Variants in COL25A1 observed in about 807,000 individuals in gnomAD.
The protein encoded by COL25A1 is collagen type XXV alpha 1 chain.
COL25A1 carries 103 observed loss-of-function variants against 128.4 expected under a neutral mutation model. The observed-to-expected ratio is 0.80, with a 90% CI of 0.68 to 0.94. The LOEUF (loss-of-function observed/expected upper bound fraction) is 0.94, where lower values mean the gene tolerates loss of function less well. COL25A1 is among the 40% of genes least tolerant of loss of function. The probability of loss-of-function intolerance (pLI) is 0.00; values close to 1 mark genes in which losing one functional copy is unlikely to be tolerated. For missense variants in COL25A1, 745 were observed against 840.0 expected, an observed-to-expected ratio of 0.89 and a Z score of 1.40; for synonymous variants, 279 against 277.2, an observed-to-expected ratio of 1.01 and a Z score of -0.06.
At chr4:108,866,953 A>T (rs1023638191) in intron 20 of COL25A1, among the ~76,000 whole-genome samples, 1 of 152,180 alleles carries the variant, frequency 6.6e-6, no homozygotes, top group Admixed American at 6.5e-5. Context: ...CCTTCTGTGG[A>T]AATACAAAAT....
intron 6 of COL25A1, among the ~76,000 whole-genome samples, chr4:109,001,090 T>G (rs1403905995): frequency 6.6e-6 from 1 of 152,172 alleles, no homozygotes; most frequent in African/African-American, 2.4e-5. Context: ...AGGATTTGAA[T>G]GTCAAGCAAG....
intron 8 of COL25A1, among the ~76,000 whole-genome samples, chr4:108,951,735 A>G (rs1389312848): frequency 1.3e-5 from 2 of 152,186 alleles, no homozygotes; most frequent in African/African-American, 4.8e-5. Flanking sequence ...CAGGAAACTT[A>G]TGTGATGGCA....
At chr4:109,087,242 G>GAA (rs988775737) in intron 3 of COL25A1, among the ~76,000 whole-genome samples, 77 of 143,784 alleles carry the variant, frequency 5.4e-4, no homozygotes, top group African/African-American at 1.9e-3. Context: ...CTTTTAGCGT[G>GAA]AAAAAAAAAA....
chr4:108,900,047 G>C (rs1742652206), intron 14 of COL25A1, among the ~76,000 whole-genome samples: 1 of 152,094 alleles, frequency 6.6e-6, no homozygotes, highest in Admixed American at 6.5e-5. Flanking sequence ...GGCAATTATT[G>C]TATTTTTTTA....
At chr4:109,172,138 T>C (rs1773648950) in intron 3 of COL25A1, among the ~76,000 whole-genome samples, 2 of 152,128 alleles carry the variant, frequency 1.3e-5, no homozygotes, top group African/African-American at 4.8e-5. Flanking sequence ...TGAGAACACT[T>C]CCTTCTGCTT....
At chr4:109,036,681 G>A (rs768820360) in intron 5 of COL25A1, among the ~76,000 whole-genome samples, 4 of 152,152 alleles carry the variant, frequency 2.6e-5, no homozygotes, top group Non-Finnish European at 5.9e-5. Context: ...CCACTCTAAG[G>A]GATGGTTTTT....
intron 13 of COL25A1, among the ~76,000 whole-genome samples, chr4:108,907,153 T>C (rs773819263): frequency 5.9e-5 from 9 of 151,988 alleles, no homozygotes; most frequent in Non-Finnish European, 1.2e-4. Context: ...AGGCACAGCA[T>C]GGGGTGGAGT....
chr4:109,299,032 C>T (rs1450522377), intron 3 of COL25A1, among the ~76,000 whole-genome samples: 2 of 152,158 alleles, frequency 1.3e-5, no homozygotes, highest in East Asian at 1.9e-4. Context: ...TTAAACATCA[C>T]GAAACAATTA....
chr4:109,077,220 T>A lies in COL25A1; in HGVS notation c.368-27041A>T, dbSNP rs549635227. Among the ~76,000 whole-genome samples the A allele has an allele frequency of 3.7e-4, 56 of 152,050 alleles. No homozygotes were observed. In the Middle Eastern group the frequency reaches 0.017, roughly 46 times the overall value. On this transcript the variant is annotated intron_variant, in intron 3 of 37. Coordinates refer to ENST00000399132, the MANE Select transcript of COL25A1 (RefSeq NM_198721.4). ...CGCATTAAAGTCATACAAAGGAAAATTTTTAAAAACAATAAACTTTTAGAA... is the reference window on the plus strand; with the variant it reads ...CGCATTAAAGTCATACAAAGGAAAAATTTTAAAAACAATAAACTTTTAGAA...
At position 109,153,126 on chromosome 4, in the gene COL25A1, C is replaced by G. The variant is rs530409210; in HGVS notation, c.368-102947G>C. Among the ~76,000 whole-genome samples, 7 of 152,240 alleles carry G rather than the reference C, an allele frequency of 4.6e-5. No homozygotes were observed. The East Asian group carries it at 1.4e-3, about 29-fold the overall frequency. ...CTGGGCCGGGCGCAGTGGCTCATGCCTGTAATCCCAGCACTTTGGGAGGCC... is the reference window on the plus strand; with the variant it reads ...CTGGGCCGGGCGCAGTGGCTCATGCGTGTAATCCCAGCACTTTGGGAGGCC... On this transcript the variant is annotated intron_variant, in intron 3 of 37. Transcript: ENST00000399132.
At chr4:109,281,147 T>C (rs760489312) in intron 3 of COL25A1, among the ~76,000 whole-genome samples, 24 of 152,166 alleles carry the variant, frequency 1.6e-4, no homozygotes, top group Admixed American at 2.6e-4. Context: ...CAAAGGACTC[T>C]TCTAAATAAG....
intron 3 of COL25A1, among the ~76,000 whole-genome samples, chr4:109,216,683 A>C (rs895649398): frequency 3.9e-5 from 6 of 152,156 alleles, no homozygotes; most frequent in Non-Finnish European, 7.4e-5. Flanking sequence ...CCTCCTCTAG[A>C]GGCTTCAGAG....
At chr4:108,828,124 T>C (rs1282313275) in intron 32 of COL25A1, among the ~76,000 whole-genome samples, 1 of 152,128 alleles carries the variant, frequency 6.6e-6, no homozygotes, top group Non-Finnish European at 1.5e-5. Context: ...GTTTGCTTCC[T>C]TTCTGAAAAA....
chr4:109,028,833 A>G (rs1033955469), intron 5 of COL25A1, among the ~76,000 whole-genome samples: 2 of 152,198 alleles, frequency 1.3e-5, no homozygotes, highest in Non-Finnish European at 2.9e-5. Context: ...TGATAAGAAC[A>G]AGGAGATAAA....
intron 3 of COL25A1, among the ~76,000 whole-genome samples, chr4:109,215,544 G>A (rs191237279): frequency 2.0e-5 from 3 of 152,262 alleles, no homozygotes; most frequent in Admixed American, 6.5e-5. Flanking sequence ...TGTAGAATAT[G>A]TCTTTAAAAC....
intron 3 of COL25A1, among the ~76,000 whole-genome samples, chr4:109,215,769 C>G (rs1386130046): frequency 6.6e-6 from 1 of 152,122 alleles, no homozygotes; most frequent in African/African-American, 2.4e-5. Flanking sequence ...TGACCTAACA[C>G]AGCTCCCGTC....
intron 13 of COL25A1, among the ~76,000 whole-genome samples, chr4:108,914,991 C>G (rs1055847503): frequency 6.6e-6 from 1 of 152,200 alleles, no homozygotes; most frequent in Non-Finnish European, 1.5e-5. Context: ...AATGAGGACA[C>G]ATAGCATTCT....
intron 3 of COL25A1, among the ~76,000 whole-genome samples, chr4:109,267,126 A>C (rs1373414068): frequency 6.6e-6 from 1 of 152,160 alleles, no homozygotes; most frequent in Non-Finnish European, 1.5e-5. Context: ...ATGAACCCAA[A>C]TGCTAACCTA....
rs1383072078 is a variant in COL25A1 at position 108,825,182 on chromosome 4, T to G, written c.1791+14A>C. ...TATTATAATAGGATGATGTTTATTG[T>G]ACTTATTACTTACATCAAGACCAGG... On this transcript the variant is annotated intron_variant, in intron 34 of 37. Coordinates refer to ENST00000399132, the MANE Select transcript of COL25A1 (RefSeq NM_198721.4). The G allele has an allele frequency of 5.6e-6, 9 of 1,598,228 alleles. No individual in the cohort carries two copies. Among genetic ancestry groups the G allele is most frequent in the Non-Finnish European group, 7.7e-6 (9 of 1,165,962 alleles).
Sources: allele counts gnomAD v4.1 joint callset (sites outside exome capture counted in the v4.1 genomes callset), GRCh38; gene constraint gnomAD v4.1.1; transcripts MANE v1.5; gene names NCBI Gene and HGNC (gene_info 2026-07-23, HGNC 2026-07-21).